Variants in ZBTB10 observed in about 807,000 individuals in gnomAD.
ZBTB10 encodes the protein zinc finger and BTB domain-containing protein 10.
Under a neutral mutation model 76.4 loss-of-function variants are expected in ZBTB10, and 32 were observed. The observed-to-expected ratio is 0.42, with a 90% confidence interval of 0.32 to 0.56. The LOEUF (loss-of-function observed/expected upper bound fraction) is 0.56, where lower values mean the gene tolerates loss of function less well. Among genes scored for constraint, ZBTB10 ranks in the 20% least tolerant of loss-of-function variants. ZBTB10 has a pLI of 0.14. For synonymous variants in ZBTB10, 523 were observed against 432.9 expected, an observed-to-expected ratio of 1.21 and a Z score of -2.58; for missense variants, 1,057 against 1,098.5, an observed-to-expected ratio of 0.96 and a Z score of 0.53.
intron 3 of ZBTB10, among the ~76,000 whole-genome samples, chr8:80,517,639 A>G (rs1055398952): frequency 4.0e-5 from 6 of 151,868 alleles, no homozygotes; most frequent in African/African-American, 1.2e-4. Flanking sequence ...TTCTTAGTCT[A>G]TTTTTCTGTA....
intron 2 of ZBTB10, among the ~76,000 whole-genome samples, chr8:80,504,713 C>T (rs1002386267): frequency 1.3e-5 from 2 of 151,188 alleles, no homozygotes; most frequent in African/African-American, 4.8e-5. Context: ...TCTGGGTAAT[C>T]AAATAAGGGT....
At chr8:80,496,934 T>C (rs900775716) in intron 1 of ZBTB10, among the ~76,000 whole-genome samples, 1 of 152,230 alleles carries the variant, frequency 6.6e-6, no homozygotes, top group Non-Finnish European at 1.5e-5. Context: ...CAAATGAGCT[T>C]GGGTTCAGGT....
chr8:80,509,170 G>A (rs1053034722), intron 2 of ZBTB10, among the ~76,000 whole-genome samples: 1 of 152,084 alleles, frequency 6.6e-6, no homozygotes, highest in Non-Finnish European at 1.5e-5. Flanking sequence ...ACTGAAAGGA[G>A]AAAACTGAAG....
At chr8:80,505,209 T>C (rs1165127391) in intron 2 of ZBTB10, among the ~76,000 whole-genome samples, 2 of 152,200 alleles carry the variant, frequency 1.3e-5, no homozygotes, top group African/African-American at 4.8e-5. Flanking sequence ...TAATTGGCTC[T>C]AAGATACAAA....
intron 1 of ZBTB10, among the ~76,000 whole-genome samples, chr8:80,495,429 A>T (rs529999080): frequency 1.0e-4 from 15 of 143,798 alleles, no homozygotes; most frequent in South Asian, 4.4e-4. Flanking sequence ...TTTTTTTTTT[A>T]AATGCCGTCG....
chr8:80,493,207 G>GCGCACACACACACACACACA (rs375071529), intron 1 of ZBTB10, among the ~76,000 whole-genome samples: 3 of 125,244 alleles, frequency 2.4e-5, no homozygotes, highest in East Asian at 2.4e-4. Flanking sequence ...GCGCGCGCGC[G>GCGCACACACACACACACACA]CACACACACA....
In ZBTB10 at chr8:80,493,193, ACG is replaced by A. The variant is rs1199081931; in HGVS notation, c.972+5425_972+5426del. Among the ~76,000 whole-genome samples the A allele has an allele frequency of 9.3e-3, 1,152 of 124,460 alleles. 12 individuals carry two copies. Among genetic ancestry groups the A allele is most frequent in the Non-Finnish European group, 0.011 (646 of 59,430 alleles). 81.7% of individuals were successfully genotyped at this position (124,460 alleles called of 152,430 possible). On this transcript the variant is annotated intron_variant, in intron 1 of 5. Transcript: ENST00000455036. Reference sequence around the variant, plus strand: ...GCGACAAGCAAGACTGTGCCTCAAAACGCGCGCGCGCGCGCACACACACACAC... The same window carrying A: ...GCGACAAGCAAGACTGTGCCTCAAAACGCGCGCGCGCGCACACACACACAC...
intron 1 of ZBTB10, among the ~76,000 whole-genome samples, chr8:80,491,327 T>C (rs1160598270): frequency 1.3e-5 from 2 of 152,186 alleles, no homozygotes; most frequent in Non-Finnish European, 2.9e-5. Context: ...CCCAACCATA[T>C]AGCCTAGGTG....
chr8:80,498,048 C>G (rs1815831578), intron 1 of ZBTB10, among the ~76,000 whole-genome samples: 1 of 152,156 alleles, frequency 6.6e-6, no homozygotes, highest in Non-Finnish European at 1.5e-5. Flanking sequence ...GGGTTAGTTT[C>G]AGAGAATTGA....
intron 1 of ZBTB10, among the ~76,000 whole-genome samples, chr8:80,488,289 A>T (rs1008328517): frequency 6.6e-6 from 1 of 152,226 alleles, no homozygotes; most frequent in Non-Finnish European, 1.5e-5. Context: ...ATATGAAATC[A>T]AAATAATGTC....
chr8:80,488,841 T>TGGAATTAACAGTTAG (rs1815551843), intron 1 of ZBTB10, among the ~76,000 whole-genome samples: 1 of 152,204 alleles, frequency 6.6e-6, no homozygotes, highest in Non-Finnish European at 1.5e-5. Flanking sequence ...CTCTTAGTAT[T>TGGAATTAACAGTTAG]CTGTTTATTG....
intron 2 of ZBTB10, among the ~76,000 whole-genome samples, chr8:80,505,943 T>TA (rs1816041379): frequency 7.1e-6 from 1 of 141,756 alleles, no homozygotes; most frequent in Non-Finnish European, 1.5e-5. Flanking sequence ...TTTTTTTAAG[T>TA]AAAGGTGAAG....
Position 80,487,787 on chromosome 8 carries a change from A to T in ZBTB10, c.972+5A>T. ...CTCCACGAAGCCAACGCCCAGGTAC[A>T]GTATATCCTGCTCCTACTTTTTTGA... On this transcript the variant is annotated splice_donor_5th_base_variant and intron_variant, in intron 1 of 5. Transcript: ENST00000455036. The T allele has an allele frequency of 6.4e-7, 1 of 1,570,446 alleles. No individual in the cohort carries two copies. Among genetic ancestry groups the T allele is most frequent in the Non-Finnish European group, 8.6e-7 (1 of 1,159,570 alleles).
In ZBTB10 at chr8:80,487,732, C is replaced by G. The variant is rs1443095991; in HGVS notation, c.922C>G (p.Leu308Val). ...CCGCAACTACAAGAAAACCCTCCTC[C>G]TGAGGCACCACGTCTCTACCGAGCA... ...GTRNYKKTLL[L>V]RHHVSTEHKL... The change falls in exon 1 of 6, where the codon CTG (leucine) becomes GTG (valine). Residue 308 changes from leucine to valine, a missense_variant. Physicochemically the swap from Leu to Val is conservative, Grantham distance 32 (BLOSUM62 1). Coordinates refer to ENST00000455036, the MANE Select transcript of ZBTB10 (RefSeq NM_001105539.3). 6.8e-6 allele frequency: 11 copies of G among 1,612,844 alleles called. No homozygotes were observed. The highest frequency in any genetic ancestry group is 9.3e-6 in the Non-Finnish European group (11 of 1,179,414).
At chr8:80,488,899 A>G (rs1315258853) in intron 1 of ZBTB10, among the ~76,000 whole-genome samples, 4 of 152,192 alleles carry the variant, frequency 2.6e-5, no homozygotes, top group Admixed American at 2.6e-4. Flanking sequence ...AATTAGGCGC[A>G]CCAGTAACCC....
Position 80,513,907 on chromosome 8 carries a change from C to T in ZBTB10, c.1862-3C>T, listed in dbSNP as rs571836189. ...GATAAATTTTTCTATGTTTCCTTTTCAGATTTAGATGGTGCTCTACTCTCG... is the reference window on the plus strand; with the variant it reads ...GATAAATTTTTCTATGTTTCCTTTTTAGATTTAGATGGTGCTCTACTCTCG... On this transcript the variant is annotated splice_region_variant and splice_polypyrimidine_tract_variant and intron_variant, in intron 2 of 5. Transcript: ENST00000455036. 3.1e-6 allele frequency: 5 copies of T among 1,612,558 alleles called. 1 individual carries two copies. The South Asian group carries it at 5.5e-5, about 18-fold the overall frequency.
rs909331635 is a variant in ZBTB10, at chr8:80,487,101, C to G, written c.291C>G (p.Pro97=). 51 of 1,519,262 alleles carry G rather than the reference C, an allele frequency of 3.4e-5. No homozygotes were observed. Among genetic ancestry groups the G allele is most frequent in the East Asian group, 5.2e-5 (2 of 38,628 alleles). The allele number at this position is 1,519,262 out of a possible 1,614,324, so 94.1% of individuals were successfully genotyped here. Residue 97 remains proline, a synonymous_variant, in exon 1 of 6, where the codon CCC becomes CCG. Coordinates refer to ENST00000455036, the MANE Select transcript of ZBTB10 (RefSeq NM_001105539.3). ...AAEEAKELLL[P]QDAGGPTSLG... ...AGGAAGCCAAGGAGTTGCTGCTCCCCCAAGACGCGGGCGGCCCCACCTCGC... is the reference window on the plus strand; with the variant it reads ...AGGAAGCCAAGGAGTTGCTGCTCCCGCAAGACGCGGGCGGCCCCACCTCGC...
Position 80,490,598 on chromosome 8 carries a change from C to T in ZBTB10, c.972+2816C>T, listed in dbSNP as rs565242410. ...TTTTATACCTTCAGAGACTTTGTGG[C>T]CATCAGGTTCTTTGAACATTCTGAG... On this transcript the variant is annotated intron_variant, in intron 1 of 5. Coordinates refer to ENST00000455036, the MANE Select transcript of ZBTB10 (RefSeq NM_001105539.3). Among the ~76,000 whole-genome samples the T allele has an allele frequency of 3.3e-5, 5 of 152,146 alleles. No individual in the cohort carries two copies. In the South Asian group the frequency reaches 8.3e-4, roughly 25 times the overall value.
Position 80,519,483 on chromosome 8 carries a change from T to A in ZBTB10, c.2571T>A (p.Ser857=). The A allele has an allele frequency of 6.2e-7, 1 of 1,612,184 alleles. No homozygotes were observed. Among genetic ancestry groups the A allele is most frequent in the Non-Finnish European group, 8.5e-7 (1 of 1,179,228 alleles). Residue 857 remains serine (S), a synonymous_variant, in exon 6 of 6, where the codon TCT becomes TCA. Transcript: ENST00000455036. ...ATGGAGAAGATCAGAATGATCCCTC[T>A]CGATGGGATGAATCAGGAGAAGTTT... ...VDDGEDQNDP[S]RWDESGEVCM...
Sources: gnomAD v4.1 joint callset for allele counts (sites outside exome capture counted in the v4.1 genomes callset) on GRCh38, gnomAD v4.1.1 for gene constraint, MANE v1.5 for transcripts, NCBI Gene and HGNC (gene_info 2026-07-23, HGNC 2026-07-21) for gene names.